Variants in GNAS observed in about 807,000 individuals in gnomAD.
GNAS encodes the protein GNAS complex locus, also known as protein ALEX.
In GNAS, 8 loss-of-function variants were observed where a neutral mutation model predicts 54.5. The ratio of observed to expected loss-of-function variants is 0.15; its 90% CI spans 0.09 to 0.26. The LOEUF (loss-of-function observed/expected upper bound fraction) is 0.26, where lower values mean the gene tolerates loss of function less well. Among genes scored for constraint, GNAS ranks in the 10% least tolerant of loss-of-function variants. The pLI is 1.00. For synonymous variants in GNAS, 204 were observed against 191.4 expected (o/e 1.07, Z -0.54); for missense variants, 170 against 529.8 (o/e 0.32, Z 6.67).
chr20:58,864,082 A>G (rs1346318131), intron 1 of GNAS: 1 of 152,080 alleles, frequency 6.6e-6, no homozygotes, highest in Non-Finnish European at 1.5e-5. Context: ...CTGTGCCTCC[A>G]TTTTTCTAGG....
chr20:58,874,679 C>CCTGCCCTCCATCTTAGCTCCTGGA (rs2087685486), intron 1 of GNAS, among the ~76,000 whole-genome samples: 1 of 151,840 alleles, frequency 6.6e-6, no homozygotes, highest in Non-Finnish European at 1.5e-5. Context: ...TAGCTCCTGG[C>CCTGCCCTCCATCTTAGCTCCTGGA]CTGCCTTCTA....
chr20:58,892,765 C>G (rs1207571891), intron 1 of GNAS, among the ~76,000 whole-genome samples: 1 of 151,852 alleles, frequency 6.6e-6, no homozygotes, highest in Non-Finnish European at 1.5e-5. Flanking sequence ...ACGAGAAGTG[C>G]CCAGTGAAGC....
At chr20:58,891,418 G>T (rs1317770605), upstream of GNAS, 7 of 349,880 alleles carry the variant, frequency 2.0e-5, no homozygotes, top group Non-Finnish European at 2.8e-5. Flanking sequence ...CGGCAGCGGC[G>T]GCAGCAGCTC....
chr20:58,905,579 T>G lies in GNAS; in HGVS notation c.530+99T>G, dbSNP rs1218435663. On this transcript the variant is annotated intron_variant, in intron 6 of 12. Transcript: ENST00000371085. ...GCTTTGAAAGTTACTTGTTGATGAT[T>G]CCTTTCTTAGAAGCCAACCAGTTAC... 5.1e-6 allele frequency: 4 copies of G among 780,498 alleles called. No homozygotes were observed. The East Asian group carries it at 9.9e-5, about 19-fold the overall frequency. 48.3% of individuals were successfully genotyped at this position (780,498 alleles called of 1,614,324 possible).
intron 1 of GNAS, among the ~76,000 whole-genome samples, chr20:58,864,975 ACTCT>A (rs113376325): frequency 0.022 from 3,292 of 147,718 alleles, 56 homozygotes; most frequent in Middle Eastern, 0.045. Flanking sequence ...ACGCACGCAC[ACTCT>A]CTCTCTCTCT....
intron 1 of GNAS, 135 bp downstream of exon 1, chr20:58,892,000 T>G (rs530249648): frequency 1.2e-5 from 9 of 725,484 alleles, no homozygotes; most frequent in African/African-American, 2.0e-5. Context: ...GCTCTGTCTG[T>G]GGGGGGCGAG....
chr20:58,840,108 T>A (rs1568906603), upstream of GNAS: 1 of 1,610,390 alleles, frequency 6.2e-7, no homozygotes, highest in South Asian at 1.1e-5. This position sits in a 1 kb window ranked among gnomAD's most constrained non-coding sequence, Gnocchi z 6.0. Flanking sequence ...CCTAAGAGGA[T>A]GGATCGGAGG....
chr20:58,886,838 T>G (rs1055761557), upstream of GNAS, among the ~76,000 whole-genome samples: 4 of 152,264 alleles, frequency 2.6e-5, no homozygotes, highest in African/African-American at 4.8e-5. Flanking sequence ...TGATTCCACC[T>G]GCTGTCATTT....
intron 5 of GNAS, among the ~76,000 whole-genome samples, chr20:58,904,761 GAAAA>G (rs905036725): frequency 6.6e-6 from 1 of 151,320 alleles, no homozygotes; most frequent in Non-Finnish European, 1.5e-5. Context: ...GCATTATTTT[GAAAA>G]AAAAGCAATA....
At chr20:58,892,047 G>A in intron 1 of GNAS, 182 bp downstream of exon 1, 1 of 920,256 alleles carries the variant, frequency 1.1e-6, no homozygotes, top group African/African-American at 1.8e-5. Context: ...ATTCGGCCGG[G>A]CGGGGGCTCA....
intron 1 of GNAS, chr20:58,867,357 T>G (rs1056402831): frequency 2.0e-5 from 3 of 152,248 alleles, no homozygotes; most frequent in Non-Finnish European, 4.4e-5. Context: ...GGTTTTAGGA[T>G]GGACACTCCC....
At chr20:58,840,059 T>G, upstream of GNAS, 4 of 1,603,400 alleles carry the variant, frequency 2.5e-6, no homozygotes, top group Non-Finnish European at 3.4e-6. The surrounding 1 kb of genome is among the most constrained non-coding windows in gnomAD (Gnocchi z 6.0). Flanking sequence ...GGAGCCACTC[T>G]CTGCAGAGCC....
chr20:58,853,970 C>A lies in GNAS; in HGVS notation c.43+13084C>A. Reference sequence around the variant, plus strand: ...AGCTTGATGGAGAAGGATTTGGGGACGACAGCCCACCCCCGGGGCTTTCCC... The same window carrying A: ...AGCTTGATGGAGAAGGATTTGGGGAAGACAGCCCACCCCCGGGGCTTTCCC... On this transcript the variant is annotated intron_variant, in intron 1 of 12. Transcript: ENST00000306090. The surrounding 1 kb of genome is among the most constrained non-coding windows in gnomAD (Gnocchi z 4.4). The A allele has an allele frequency of 6.2e-7, 1 of 1,612,172 alleles. No homozygotes were observed.
At chr20:58,843,411 T>A (rs774980298) in intron 1 of GNAS, 1 of 152,204 alleles carries the variant, frequency 6.6e-6, no homozygotes, top group African/African-American at 2.4e-5. Context: ...GGTACTCAGC[T>A]CCTTCCTTTT....
At chr20:58,839,832 G>C (rs1438900764), upstream of GNAS, 9 of 593,862 alleles carry the variant, frequency 1.5e-5, 1 homozygote, top group Non-Finnish European at 2.4e-5. Context: ...GACTCAGCGA[G>C]AGGAGCCCGG....
chr20:58,892,188 C>T (rs1380322143), intron 1 of GNAS: 23 of 976,510 alleles, frequency 2.4e-5, no homozygotes, highest in Non-Finnish European at 2.8e-5. Flanking sequence ...TCCGCGAGGC[C>T]TACACGACGC....
rs913333364 is a variant in GNAS at position 58,857,854 on chromosome 20, G to A, written c.43+16968G>A. Among the ~76,000 whole-genome samples, 3 of 152,134 alleles carry A rather than the reference G, an allele frequency of 2.0e-5. No homozygotes were observed. Among genetic ancestry groups the A allele is most frequent in the African/African-American group, 7.2e-5 (3 of 41,406 alleles). The stretch of plus-strand genomic sequence containing the variant: ...TAACTTTAAGAAAAGGAAATTTGCT[G>A]GGGTCACCTTGTACCTTGTCCTGGC... On this transcript the variant is annotated intron_variant, in intron 1 of 12. Transcript: ENST00000306090. This position sits in a 1 kb window ranked among gnomAD's most constrained non-coding sequence, Gnocchi z 4.1.
chr20:58,905,875 G>A (rs1010681490), intron 6 of GNAS, among the ~76,000 whole-genome samples: 2 of 151,972 alleles, frequency 1.3e-5, no homozygotes, highest in African/African-American at 2.4e-5. Flanking sequence ...TAACAAAGAG[G>A]AATGGTGAAG....
chr20:58,867,444 G>A (rs1400430012), intron 1 of GNAS: 2 of 152,186 alleles, frequency 1.3e-5, no homozygotes, highest in Admixed American at 6.5e-5. Context: ...GCGCTCTTAC[G>A]AAATCGTTCA....
Sources: gnomAD v4.1 joint callset for allele counts (sites outside exome capture counted in the v4.1 genomes callset) on GRCh38, gnomAD v4.1.1 for gene constraint, Gnocchi (gnomAD v3.1) non-coding constraint, MANE v1.5 for transcripts, NCBI Gene and HGNC (gene_info 2026-07-23, HGNC 2026-07-21) for gene names.